SNRPN: variants seen among roughly 807,000 people sequenced by gnomAD.
SNRPN encodes the protein small nuclear ribonucleoprotein polypeptide N, also known as small nuclear ribonucleoprotein-associated protein N.
A neutral mutation model predicts 25.2 loss-of-function variants in SNRPN; 7 were observed. That is an observed-to-expected ratio of 0.28 (90% confidence interval 0.16 to 0.52). SNRPN has a LOEUF of 0.52. Among genes scored for constraint, SNRPN ranks in the 20% least tolerant of loss-of-function variants. The pLI, the probability that SNRPN is intolerant of heterozygous loss-of-function variation, is 0.96. For missense variants in SNRPN, 196 were observed against 322.5 expected (o/e 0.61, Z 3.00); for synonymous variants, 124 against 110.6 (o/e 1.12, Z -0.76).
chr15:24,836,163 A>G (rs1353379151), intron 2 of SNRPN, among the ~76,000 whole-genome samples: 1 of 151,976 alleles, frequency 6.6e-6, no homozygotes, highest in African/African-American at 2.4e-5. Context: ...CTGTGCTTGC[A>G]CATCCCTGGT....
rs549455804 is a variant in SNRPN at position 24,944,278 on chromosome 15, C to G, written c.-390-17836C>G. Among the ~76,000 whole-genome samples, 11 of 152,326 alleles carry G rather than the reference C, an allele frequency of 7.2e-5. No homozygotes were observed. In the South Asian group the frequency reaches 2.3e-3, roughly 32 times the overall value. ...GCACATGAGCTGGGTGTTTGAATCC[C>G]TGAGCTAATTTTCCCCCTACTTTGT... On this transcript the variant is annotated intron_variant, in intron 3 of 11. Coordinates refer to the SNRPN transcript ENST00000400097.
At chr15:24,977,133 C>A in intron 7 of SNRPN, 104 bp downstream of exon 7, 2 of 916,378 alleles carry the variant, frequency 2.2e-6, no homozygotes, top group Non-Finnish European at 3.1e-6. Context: ...ATGTAAACAG[C>A]ATATGGTTTA....
At chr15:24,834,751 C>CTCTCTCTCTCTCTCTCTCTCTA in intron 2 of SNRPN, among the ~76,000 whole-genome samples, 138 of 60,916 alleles carry the variant, frequency 2.3e-3, no homozygotes, top group Non-Finnish European at 3.0e-3. Context: ...CTCTCTCTCT[C>CTCTCTCTCTCTCTCTCTCTCTA]TATATATATA....
rs553240404 is a variant in SNRPN, at chr15:24,910,715, G to T, written c.-504-9296G>T. 2.6e-5 allele frequency among the ~76,000 whole-genome samples: 4 copies of T among 151,998 alleles called. No homozygotes were observed. The South Asian group carries it at 8.3e-4, about 32-fold the overall frequency. ...TCATCATATTGGCCAGGCTGGTCTC[G>T]AACTCCTGACTTCGTGTTCCACCCA... is the stretch of plus-strand genomic sequence containing the variant. On this transcript the variant is annotated intron_variant, in intron 2 of 11. Coordinates refer to the SNRPN transcript ENST00000400097.
At chr15:24,868,182 A>G (rs964583184) in intron 1 of SNRPN, among the ~76,000 whole-genome samples, 1 of 152,032 alleles carries the variant, frequency 6.6e-6, no homozygotes, top group Non-Finnish European at 1.5e-5. Flanking sequence ...TATAAATGCA[A>G]TGAATGACAG....
At chr15:24,962,780 A>G (rs2075035819) in intron 2 of SNRPN, among the ~76,000 whole-genome samples, 1 of 152,202 alleles carries the variant, frequency 6.6e-6, no homozygotes, top group African/African-American at 2.4e-5. Context: ...TAAATGACCT[A>G]ATACATATTT....
chr15:24,868,018 A>T (rs1435168906), intron 1 of SNRPN, among the ~76,000 whole-genome samples: 1 of 152,028 alleles, frequency 6.6e-6, no homozygotes, highest in East Asian at 1.9e-4. Flanking sequence ...AGTTGATATA[A>T]CAGATAACAG....
chr15:24,929,708 G>C lies in SNRPN; in HGVS notation c.-391+9584G>C, dbSNP rs931298694. Among the ~76,000 whole-genome samples the C allele has an allele frequency of 6.6e-6, 1 of 152,148 alleles. No homozygotes were observed. The highest frequency in any genetic ancestry group is 2.4e-5 in the African/African-American group (1 of 41,440). ...CACATTTTCTTCCAAGTGGAGTCCA[G>C]CATATTTTATTTTCCTGTTGAATGG... is the stretch of plus-strand genomic sequence containing the variant. On this transcript the variant is annotated intron_variant, in intron 3 of 11. Coordinates refer to the SNRPN transcript ENST00000400097. This position sits in a 1 kb window ranked among gnomAD's most constrained non-coding sequence, Gnocchi z 5.3.
upstream of SNRPN, chr15:24,851,842 A>G (rs2052874383): frequency 6.6e-6 from 1 of 152,144 alleles, no homozygotes; most frequent in Non-Finnish European, 1.5e-5. Context: ...GGGAACTTGG[A>G]TGCTCCTGTT....
rs766796191 is a variant in SNRPN at position 24,922,592 on chromosome 15, C to T, written c.-391+2468C>T. Among the ~76,000 whole-genome samples, 97 of 152,070 alleles carry T rather than the reference C, an allele frequency of 6.4e-4. 1 individual carries two copies. The highest frequency in any genetic ancestry group is 1.6e-4 in the Non-Finnish European group (11 of 68,022). On this transcript the variant is annotated intron_variant, in intron 3 of 11. Transcript: ENST00000400097. ...CATGCTGCTCTTTGTAATTTTATTC[C>T]TCGTGATTACATACTTAAGCTACAG...
chr15:24,965,426 A>T (rs890947331), intron 2 of SNRPN, among the ~76,000 whole-genome samples: 3 of 152,274 alleles, frequency 2.0e-5, no homozygotes, highest in Non-Finnish European at 4.4e-5. Flanking sequence ...AATCCCAGCT[A>T]CTCAGGAGGC....
chr15:24,967,477 T>C (rs1341421083), intron 2 of SNRPN, among the ~76,000 whole-genome samples: 3 of 151,860 alleles, frequency 2.0e-5, no homozygotes, highest in Non-Finnish European at 4.4e-5. Flanking sequence ...CCATCTCTAC[T>C]AAAAATACAA....
Position 24,909,282 on chromosome 15 carries a change from G to C in SNRPN, c.-504-10729G>C, listed in dbSNP as rs1163721052. ...TCCTTGCTTTCAGAACCATAACCAG[G>C]GAATTGTTTGGTACTGTGAGGGATA... On this transcript the variant is annotated intron_variant, in intron 2 of 11. Coordinates refer to the SNRPN transcript ENST00000400097. The C allele has an allele frequency of 1.9e-6, 3 of 1,601,400 alleles. No homozygotes were observed. The African/African-American group carries it at 4.0e-5, about 21-fold the overall frequency.
upstream of SNRPN, chr15:24,954,900 C>G (rs552438357): frequency 2.2e-5 from 26 of 1,164,656 alleles, no homozygotes; most frequent in African/African-American, 3.6e-4. Context: ...GGCAAACAAG[C>G]ACGCCTGCGC....
At chr15:24,857,158 A>G (rs1234348260) in intron 1 of SNRPN, among the ~76,000 whole-genome samples, 1 of 152,202 alleles carries the variant, frequency 6.6e-6, no homozygotes, top group Non-Finnish European at 1.5e-5. Context: ...TGTAAAAGGT[A>G]GACAAAGAAT....
At position 24,978,430 on chromosome 15, in the gene SNRPN, C is replaced by A; in HGVS notation, c.709C>A (p.Pro237Thr). The A allele has an allele frequency of 2.5e-6, 4 of 1,613,840 alleles. No individual in the cohort carries two copies. Among genetic ancestry groups the A allele is most frequent in the Non-Finnish European group, 3.4e-6 (4 of 1,179,936 alleles). Residue 237 changes from proline (P) to threonine (T), a missense_variant, in exon 10 of 10, where the codon CCA (proline) becomes ACA (threonine). By Grantham distance (38) the Pro-to-Thr change is conservative. Transcript: ENST00000390687. ...AGGTCCACCTCCCCCAGGAATGCGTCCACCAAGACCTTAGCATACTGTTGA... is the reference window on the plus strand; with the variant it reads ...AGGTCCACCTCCCCCAGGAATGCGTACACCAAGACCTTAGCATACTGTTGA... Reference protein sequence around the residue: ...IRGPPPPGMRPPRP With the variant: ...IRGPPPPGMRTPRP
At position 24,829,614 on chromosome 15, in the gene SNRPN, A is replaced by C. The variant is rs561811159; in HGVS notation, c.-686-184A>C. Reference sequence around the variant, plus strand: ...CTGTGGGGAGGGATTTGAATGTCTCAGTTCTTTTATGAAATGTTATCCCCA... The same window carrying C: ...CTGTGGGGAGGGATTTGAATGTCTCCGTTCTTTTATGAAATGTTATCCCCA... On this transcript the variant is annotated intron_variant, in intron 1 of 12. Coordinates refer to the SNRPN transcript ENST00000400100. 1.5e-3 allele frequency among the ~76,000 whole-genome samples: 222 copies of C among 152,132 alleles called. 2 individuals carry two copies. Among genetic ancestry groups the C allele is most frequent in the Middle Eastern group, 0.01 (3 of 294 alleles).
chr15:24,867,095 T>G (rs909679612), intron 1 of SNRPN, among the ~76,000 whole-genome samples: 1 of 152,134 alleles, frequency 6.6e-6, no homozygotes, highest in Non-Finnish European at 1.5e-5. Context: ...TATACATGAG[T>G]GTAGGTATCT....
At chr15:24,902,996 GT>G (rs1204758739) in intron 2 of SNRPN, among the ~76,000 whole-genome samples, 1 of 152,102 alleles carries the variant, frequency 6.6e-6, no homozygotes, top group Non-Finnish European at 1.5e-5. Context: ...GTGCTGACTG[GT>G]CCATTTTTAC....
Sources: gnomAD v4.1 joint callset for allele counts (sites outside exome capture counted in the v4.1 genomes callset) on GRCh38, gnomAD v4.1.1 for gene constraint, Gnocchi (gnomAD v3.1) non-coding constraint, MANE v1.5 for transcripts, NCBI Gene and HGNC (gene_info 2026-07-23, HGNC 2026-07-21) for gene names.